Variants in GABRB1 observed in about 807,000 individuals in gnomAD.
GABRB1 encodes gamma-aminobutyric acid type A receptor subunit beta1, also known as gamma-aminobutyric acid receptor subunit beta-1.
GABRB1 carries 17 observed loss-of-function variants against 51.6 expected under a neutral mutation model. That is an observed-to-expected ratio of 0.33 (90% CI 0.23 to 0.49). The LOEUF (loss-of-function observed/expected upper bound fraction) is 0.49, where lower values mean the gene tolerates loss of function less well. Ranked by LOEUF, GABRB1 falls within the 20% of genes least tolerant of loss-of-function variation. GABRB1 has a pLI of 0.99. For synonymous variants in GABRB1, 247 were observed against 218.9 expected (o/e 1.13, Z -1.14); for missense variants, 410 against 600.6 (o/e 0.68, Z 3.32).
intron 3 of GABRB1, among the ~76,000 whole-genome samples, chr4:47,118,913 T>C (rs1417422430): frequency 6.6e-6 from 1 of 152,124 alleles, no homozygotes; most frequent in Non-Finnish European, 1.5e-5. Flanking sequence ...CTGAAATATT[T>C]GGAAAAGAGA....
chr4:47,098,694 T>C (rs185601261), intron 3 of GABRB1, among the ~76,000 whole-genome samples: 2 of 152,250 alleles, frequency 1.3e-5, no homozygotes, highest in African/African-American at 4.8e-5. Context: ...CTCAGGCTAG[T>C]ATAAATTGCC....
At position 47,160,982 on chromosome 4, in the gene GABRB1, G is replaced by A. The variant is rs532104312; in HGVS notation, c.241-267G>A. On this transcript the variant is annotated intron_variant, in intron 3 of 8. Transcript: ENST00000295454. ...TAAAAAAATTATTTTTTGTAGAGAT[G>A]AGGTCTCATAACGTTCCGTAGGCTG... Among the ~76,000 whole-genome samples the A allele has an allele frequency of 4.0e-5, 6 of 151,788 alleles. No homozygotes were observed. The South Asian group carries it at 1.3e-3, about 32-fold the overall frequency.
At chr4:47,227,718 C>T (rs1039645477) in intron 4 of GABRB1, among the ~76,000 whole-genome samples, 1 of 152,074 alleles carries the variant, frequency 6.6e-6, no homozygotes, top group Non-Finnish European at 1.5e-5. Context: ...CATAACAAAG[C>T]GATAGACTAG....
intron 5 of GABRB1, among the ~76,000 whole-genome samples, chr4:47,345,860 A>T (rs1188047270): frequency 6.6e-6 from 1 of 152,094 alleles, no homozygotes; most frequent in East Asian, 1.9e-4. Flanking sequence ...TTTTTTCTGC[A>T]CATGCCCAGA....
At chr4:47,260,719 T>A (rs1324598666) in intron 4 of GABRB1, among the ~76,000 whole-genome samples, 1 of 152,122 alleles carries the variant, frequency 6.6e-6, no homozygotes, top group Non-Finnish European at 1.5e-5. Context: ...TGGGCTTCGA[T>A]ACCAAAGCCG....
At chr4:47,321,893 G>A (rs1725098947) in intron 5 of GABRB1, among the ~76,000 whole-genome samples, 1 of 152,090 alleles carries the variant, frequency 6.6e-6, no homozygotes, top group Admixed American at 6.5e-5. Flanking sequence ...ACAAATACTT[G>A]AAATTGATTC....
rs968510077 is a variant in GABRB1 at position 47,199,392 on chromosome 4, T to C, written c.461+37923T>C. On this transcript the variant is annotated intron_variant, in intron 4 of 8. Transcript: ENST00000295454. ...TTGAATATATGAAATGTACGACTCA[T>C]GGATCCCCTTAGCTATCTTAGCAGA... Among the ~76,000 whole-genome samples, 7 of 152,182 alleles carry C rather than the reference T, an allele frequency of 4.6e-5. No homozygotes were observed. The South Asian group carries it at 1.5e-3, about 32-fold the overall frequency.
intron 4 of GABRB1, among the ~76,000 whole-genome samples, chr4:47,285,479 C>T (rs544957493): frequency 3.1e-4 from 47 of 152,162 alleles, no homozygotes; most frequent in Middle Eastern, 3.4e-3. Context: ...TTATAGTATC[C>T]GGTAAATTCT....
intron 1 of GABRB1, chr4:46,994,377 A>C (rs1723903424): frequency 6.6e-6 from 1 of 150,584 alleles, no homozygotes; most frequent in Non-Finnish European, 1.5e-5. Flanking sequence ...TCTTTTTCAG[A>C]ATGGAGTTGA....
intron 3 of GABRB1, among the ~76,000 whole-genome samples, chr4:47,106,375 C>A (rs527242864): frequency 4.0e-5 from 6 of 151,890 alleles, no homozygotes; most frequent in African/African-American, 1.2e-4. Flanking sequence ...CCATCTTTAA[C>A]AACAGTCTGA....
At chr4:47,113,369 G>A (rs1002022038) in intron 3 of GABRB1, among the ~76,000 whole-genome samples, 7 of 134,580 alleles carry the variant, frequency 5.2e-5, no homozygotes, top group Non-Finnish European at 1.1e-4. Context: ...CTGGGTGACA[G>A]AGTGAGACTT....
At chr4:47,178,531 G>C (rs1718799278) in intron 4 of GABRB1, among the ~76,000 whole-genome samples, 1 of 152,176 alleles carries the variant, frequency 6.6e-6, no homozygotes, top group South Asian at 2.1e-4. Flanking sequence ...CATTATCTTG[G>C]TGGAGGAAAC....
chr4:47,068,817 G>A lies in GABRB1; in HGVS notation c.240+36333G>A, dbSNP rs986888264. ...CAGAGGCATGAAGTGAGCACATGCT[G>A]TTTAAAAAAAATGGCACCAATAACT... On this transcript the variant is annotated intron_variant, in intron 3 of 8. Coordinates refer to ENST00000295454, the MANE Select transcript of GABRB1 (RefSeq NM_000812.4). 6.6e-5 allele frequency among the ~76,000 whole-genome samples: 10 copies of A among 152,206 alleles called. 1 individual carries two copies. Among genetic ancestry groups the A allele is most frequent in the African/African-American group, 1.9e-4 (8 of 41,530 alleles).
intron 4 of GABRB1, 98 bp downstream of exon 4, chr4:47,161,567 GATGAATATATAA>G: frequency 1.2e-6 from 1 of 863,442 alleles, no homozygotes; most frequent in East Asian, 2.6e-5. Context: ...AGAATATATA[GATGAATATATAA>G]ATGGGGTGTC....
At chr4:47,022,715 G>A (rs947419356) in intron 1 of GABRB1, among the ~76,000 whole-genome samples, 9 of 152,066 alleles carry the variant, frequency 5.9e-5, no homozygotes, top group Admixed American at 5.9e-4. Flanking sequence ...ATGTAAATTA[G>A]TACAATTACT....
intron 3 of GABRB1, among the ~76,000 whole-genome samples, chr4:47,091,503 C>A (rs1367558116): frequency 6.6e-6 from 1 of 152,010 alleles, no homozygotes; most frequent in Non-Finnish European, 1.5e-5. Context: ...AAGTAAGAAC[C>A]ATTTTTGTGA....
chr4:47,281,941 G>T (rs1362317966), intron 4 of GABRB1, among the ~76,000 whole-genome samples: 5 of 152,114 alleles, frequency 3.3e-5, no homozygotes, highest in Admixed American at 1.3e-4. Flanking sequence ...CAGTTAAACT[G>T]GGAGAATAAG....
At chr4:47,397,394 G>A (rs957522316) in intron 5 of GABRB1, among the ~76,000 whole-genome samples, 1 of 152,082 alleles carries the variant, frequency 6.6e-6, no homozygotes, top group African/African-American at 2.4e-5. Flanking sequence ...AATAATTTGA[G>A]GCACCACTTT....
chr4:47,197,352 T>C (rs938660179), intron 4 of GABRB1, among the ~76,000 whole-genome samples: 8 of 152,186 alleles, frequency 5.3e-5, no homozygotes, highest in Non-Finnish European at 1.0e-4. Flanking sequence ...TGTATTCTAG[T>C]CTCTGATCCC....
Sources: allele counts gnomAD v4.1 joint callset (sites outside exome capture counted in the v4.1 genomes callset), GRCh38; gene constraint gnomAD v4.1.1; transcripts MANE v1.5; gene names NCBI Gene and HGNC (gene_info 2026-07-23, HGNC 2026-07-21).